Variants in LZTS2 observed in about 807,000 individuals in gnomAD.
LZTS2 encodes the protein leucine zipper putative tumor suppressor 2.
Under a neutral mutation model 60.6 loss-of-function variants are expected in LZTS2, and 32 were observed. The observed-to-expected ratio is 0.53, with a 90% CI of 0.40 to 0.71. The LOEUF is 0.71. LZTS2 is among the 30% of genes least tolerant of loss of function. The pLI, the probability that LZTS2 is intolerant of heterozygous loss-of-function variation, is 0.00. For synonymous variants in LZTS2, 360 were observed against 393.1 expected, an observed-to-expected ratio of 0.92 and a Z score of 1.00; for missense variants, 792 against 901.9, an observed-to-expected ratio of 0.88 and a Z score of 1.56.
chr10:101,004,475 T>C (rs920206410), intron 2 of LZTS2, among the ~76,000 whole-genome samples: 2 of 151,994 alleles, frequency 1.3e-5, no homozygotes, highest in Non-Finnish European at 2.9e-5. Flanking sequence ...TGGTGGCATG[T>C]ACCTGTAGTC....
upstream of LZTS2, among the ~76,000 whole-genome samples, chr10:100,999,233 T>A (rs10883568): frequency 5.3e-5 from 8 of 152,332 alleles, no homozygotes; most frequent in Non-Finnish European, 7.3e-5. Flanking sequence ...GCCCGCGTGT[T>A]GGGGGCGGCT....
At chr10:101,000,994 A>G (rs1428290757) in exon 1 of LZTS2, 1 of 152,244 alleles carries the variant, frequency 6.6e-6, no homozygotes, top group Non-Finnish European at 1.5e-5. Flanking sequence ...AGATCAGGCA[A>G]AGGAGTTAGA....
chr10:101,003,378 T>G, intron 1 of LZTS2, 129 bp from the exon 3 acceptor site: 1 of 933,226 alleles, frequency 1.1e-6, no homozygotes, highest in Non-Finnish European at 1.5e-6. Flanking sequence ...GGTGGCCACC[T>G]CCACCAGTGG....
At chr10:101,004,461 A>C (rs1247602794) in intron 2 of LZTS2, among the ~76,000 whole-genome samples, 1 of 151,590 alleles carries the variant, frequency 6.6e-6, no homozygotes, top group Non-Finnish European at 1.5e-5. Context: ...AAATTAGCTA[A>C]GTGTGGTGGC....
exon 1 of LZTS2, chr10:101,002,205 T>C (rs1235876917): frequency 2.2e-5 from 5 of 222,692 alleles, no homozygotes; most frequent in Non-Finnish European, 4.4e-5. Context: ...GGATGCAGGA[T>C]TGGGCTTGGG....
upstream of LZTS2, chr10:100,998,651 C>A (rs972050412): frequency 2.6e-5 from 4 of 152,258 alleles, no homozygotes; most frequent in African/African-American, 9.6e-5. Context: ...CTGACCGGGT[C>A]ACCGAGACCC....
At chr10:101,004,058 G>A in exon 2 of LZTS2, 3 of 1,613,410 alleles carry the variant, frequency 1.9e-6, no homozygotes, top group South Asian at 1.1e-5. Context: ...CACCTCCTTC[G>A]GATGAGGCCC....
At chr10:101,007,374 C>G (rs569175107) in exon 4 of LZTS2, 1 of 1,418,158 alleles carries the variant, frequency 7.1e-7, no homozygotes, top group East Asian at 2.6e-5. Flanking sequence ...CAAAGGTCCC[C>G]GTGTTCACTG....
intron 3 of LZTS2, among the ~76,000 whole-genome samples, chr10:101,006,071 A>G (rs1253945024): frequency 1.3e-5 from 2 of 152,180 alleles, no homozygotes. Context: ...TAAAGGCTGA[A>G]GCCCCAAATC....
At chr10:101,007,227 A>G (rs1361191712) in exon 4 of LZTS2, 1 of 1,479,048 alleles carries the variant, frequency 6.8e-7, no homozygotes, top group Non-Finnish European at 8.9e-7. Context: ...CTGCAGATCC[A>G]CTTAGGCCCC....
chr10:101,005,912 G>A (rs538815270), intron 3 of LZTS2, among the ~76,000 whole-genome samples, 197 bp downstream of exon 4: 1 of 152,316 alleles, frequency 6.6e-6, no homozygotes, highest in Admixed American at 6.5e-5. Flanking sequence ...ACGTAGCCAC[G>A]CTTCCAGCCA....
Position 101,006,475 on chromosome 10 carries a change from C to G in LZTS2, c.1327-10C>G, listed in dbSNP as rs1432070306. 6.2e-7 allele frequency: 1 copy of G among 1,602,740 alleles called. No individual in the cohort carries two copies. Among genetic ancestry groups the G allele is most frequent in the Admixed American group, 1.7e-5 (1 of 59,242 alleles). On this transcript the variant is annotated splice_polypyrimidine_tract_variant and intron_variant, in intron 3 of 3. Transcript: ENST00000370220. ...TCTCACCATCCTTCCCCACTTCCTC[C>G]CACCCCCAGGTGTGCCAGAAATCAG...
chr10:101,006,421 T>C (rs1852199209), intron 3 of LZTS2, 64 bp from the exon 5 acceptor site: 2 of 1,525,408 alleles, frequency 1.3e-6, no homozygotes, highest in South Asian at 2.5e-5. Context: ...CAGCATGATG[T>C]GCAGGGCCTG....
At chr10:101,002,840 C>T (rs753214488) in exon 1 of LZTS2, 10 of 1,613,784 alleles carry the variant, frequency 6.2e-6, no homozygotes, top group Admixed American at 1.7e-5. Flanking sequence ...GAGTCACCCC[C>T]CAGCCCAAGC....
At position 101,002,590 on chromosome 10, in the gene LZTS2, G is replaced by T. The variant is rs1230363600; in HGVS notation, c.52G>T (p.Ala18Ser). The T allele has an allele frequency of 2.6e-6, 4 of 1,548,922 alleles. No homozygotes were observed. The African/African-American group carries it at 4.1e-5, about 16-fold the overall frequency. Residue 18 changes from alanine to serine, a missense_variant, in exon 1 of 4, where the codon GCC becomes TCC. By Grantham distance (99) the Ala-to-Ser change is moderately conservative. Coordinates refer to ENST00000370220, the Ensembl canonical transcript of LZTS2. ...GCCACTGGAGCCTGCTCCTGAAGCT[G>T]CCACTGCCCCACAAGCTCCAGTCAT...
exon 4 of LZTS2, chr10:101,006,963 C>T: frequency 6.5e-7 from 1 of 1,545,490 alleles, no homozygotes; most frequent in Non-Finnish European, 8.7e-7. Flanking sequence ...GAGCGGCTGG[C>T]CTGGCAGGCA....
At chr10:101,005,796 C>T in intron 3 of LZTS2, 81 bp downstream of exon 4, 3 of 1,423,914 alleles carry the variant, frequency 2.1e-6, no homozygotes, top group Non-Finnish European at 2.8e-6. Context: ...CACCCTCCCT[C>T]AGCCTGCCAC....
chr10:101,001,939 AT>A (rs1022621382), exon 1 of LZTS2: 1 of 152,230 alleles, frequency 6.6e-6, no homozygotes, highest in African/African-American at 2.4e-5. Flanking sequence ...CGGGTTTCTT[AT>A]TTAGCCAGAT....
At chr10:100,998,620 G>C (rs763217204), upstream of LZTS2, 1 of 152,236 alleles carries the variant, frequency 6.6e-6, no homozygotes, top group Non-Finnish European at 1.5e-5. Context: ...CCTTTGCCCA[G>C]GGATGCAGGC....
Sources: gnomAD v4.1 joint callset for allele counts (sites outside exome capture counted in the v4.1 genomes callset) on GRCh38, gnomAD v4.1.1 for gene constraint, MANE v1.5 for transcripts, NCBI Gene and HGNC (gene_info 2026-07-23, HGNC 2026-07-21) for gene names.